The following UGT1A5 variants were observed in gnomAD, a reference collection of about 807,000 sequenced individuals.
UGT1A5 encodes UDP-glucuronosyltransferase 1A5.
Under a neutral mutation model 40.3 loss-of-function variants are expected in UGT1A5, and 29 were observed. That is an observed-to-expected ratio of 0.72 (90% CI 0.54 to 0.98). The LOEUF is 0.98. Ranked by LOEUF, UGT1A5 falls within the 50% of genes least tolerant of loss-of-function variation. The pLI is 0.00. For missense variants in UGT1A5, 678 were observed against 677.9 expected (o/e 1.00, Z 0.00); for synonymous variants, 257 against 262.5 (o/e 0.98, Z 0.20).
chr2:233,719,696 T>C (rs748911565), intron 1 of UGT1A5: 44 of 1,613,934 alleles, frequency 2.7e-5, no homozygotes, highest in Middle Eastern at 1.6e-4. Context: ...AGGTCTGTAT[T>C]GGTGCCTTCA....
chr2:233,762,967 G>A (rs568860226), intron 1 of UGT1A5, among the ~76,000 whole-genome samples: 7 of 152,218 alleles, frequency 4.6e-5, no homozygotes, highest in Admixed American at 6.5e-5. Context: ...AAAGATGCCC[G>A]TCTTGCTGCT....
At position 233,772,474 on chromosome 2, in the gene UGT1A5, C is replaced by G; in HGVS notation, c.1520C>G (p.Thr507Ser). The G allele has an allele frequency of 6.2e-7, 1 of 1,614,104 alleles. No individual in the cohort carries two copies. Among genetic ancestry groups the G allele is most frequent in the Non-Finnish European group, 8.5e-7 (1 of 1,180,024 alleles). Residue 507 changes from threonine (T) to serine (S), a missense_variant, in exon 5 of 5, where the codon ACC (threonine) becomes AGC (serine). By Grantham distance (58) the Thr-to-Ser change is moderately conservative. Transcript: ENST00000373414. ...GTCGTGCTGACAGTGGCCTTCATCA[C>G]CTTTAAATGTTGTGCTTATGGCTAC... is the stretch of plus-strand genomic sequence containing the variant. The part of the protein sequence containing the change: ...LAVVLTVAFI[T>S]FKCCAYGYRK...
chr2:233,724,386 G>A (rs1217254636), intron 1 of UGT1A5, among the ~76,000 whole-genome samples: 4 of 141,148 alleles, frequency 2.8e-5, no homozygotes, highest in Non-Finnish European at 3.1e-5. Flanking sequence ...GGGCGGAGAC[G>A]CTCCTCACTT....
chr2:233,743,662 G>T (rs34622615), intron 1 of UGT1A5: 40,924 of 1,367,182 alleles, frequency 0.03, 778 homozygotes, highest in African/African-American at 0.053. Flanking sequence ...ACTCGAAGGG[G>T]TCCTCGAAGG....
intron 1 of UGT1A5, among the ~76,000 whole-genome samples, chr2:233,724,420 G>A (rs1396792043): frequency 4.4e-5 from 6 of 135,614 alleles, no homozygotes; most frequent in African/African-American, 1.4e-4. Flanking sequence ...GCTGCCGGGC[G>A]GAGAGGCTCC....
At chr2:233,741,761 G>T (rs1691766534) in intron 1 of UGT1A5, 3 of 151,840 alleles carry the variant, frequency 2.0e-5, no homozygotes, top group Admixed American at 6.5e-5. Flanking sequence ...TTAATGATGT[G>T]TTCAGGCCAT....
chr2:233,725,380 C>A (rs2077441850), intron 1 of UGT1A5, among the ~76,000 whole-genome samples: 1 of 149,278 alleles, frequency 6.7e-6, no homozygotes, highest in East Asian at 1.9e-4. Context: ...TTAAAAAATT[C>A]TTAATAGGTT....
chr2:233,765,533 A>G (rs1474506324), intron 1 of UGT1A5, among the ~76,000 whole-genome samples: 2 of 151,964 alleles, frequency 1.3e-5, no homozygotes, highest in African/African-American at 4.8e-5. Flanking sequence ...GCATGTTCTC[A>G]CTCATAAGTG....
chr2:233,759,396 C>T (rs1317272404), intron 1 of UGT1A5, among the ~76,000 whole-genome samples: 1 of 152,086 alleles, frequency 6.6e-6, no homozygotes, highest in African/African-American at 2.4e-5. Context: ...TCAGAGTAAC[C>T]GTGTGACCTG....
chr2:233,729,285 C>G (rs1346383611), intron 1 of UGT1A5: 12 of 1,614,080 alleles, frequency 7.4e-6, no homozygotes, highest in Non-Finnish European at 5.9e-6. Context: ...AGCTCCATGC[C>G]AGAGGCCACC....
At chr2:233,748,959 T>A (rs1217481897) in intron 1 of UGT1A5, among the ~76,000 whole-genome samples, 1 of 151,598 alleles carries the variant, frequency 6.6e-6, no homozygotes, top group African/African-American at 2.4e-5. Flanking sequence ...CACTCCAAGT[T>A]TCTATAGTGG....
intron 1 of UGT1A5, among the ~76,000 whole-genome samples, chr2:233,749,910 CTG>C: frequency 6.6e-6 from 1 of 152,052 alleles, no homozygotes; most frequent in Non-Finnish European, 1.5e-5. Context: ...CCACCTGGAA[CTG>C]TGAGTCAATT....
rs527483899 is a variant in UGT1A5 at position 233,768,298 on chromosome 2, T to C, written c.1166T>C (p.Met389Thr). Reference sequence around the variant, plus strand: ...GAAAGCATATGCAATGGCGTTCCCATGGTGATGATGCCCTTGTTTGGTGAT... The same window carrying C: ...GAAAGCATATGCAATGGCGTTCCCACGGTGATGATGCCCTTGTTTGGTGAT... ...VYESICNGVP[M>T]VMMPLFGDQM... The change falls in exon 4 of 5, where the codon ATG becomes ACG. Residue 389 changes from methionine to threonine, a missense_variant. Physicochemically the swap from Met to Thr is moderately conservative, Grantham distance 81. Coordinates refer to ENST00000373414, the MANE Select transcript of UGT1A5 (RefSeq NM_019078.2). 2.2e-5 allele frequency: 35 copies of C among 1,614,192 alleles called. No individual in the cohort carries two copies. In the South Asian group the frequency reaches 3.4e-4, roughly 16 times the overall value.
intron 1 of UGT1A5, chr2:233,730,017 A>G (rs1485743576): frequency 6.2e-7 from 1 of 1,613,756 alleles, no homozygotes; most frequent in South Asian, 1.1e-5. Flanking sequence ...CCTTCATCCA[A>G]TCAATGTTCC....
rs574418679 is a variant in UGT1A5 at position 233,719,623 on chromosome 2, C to T, written c.867+5765C>T. 4.0e-5 allele frequency: 64 copies of T among 1,614,006 alleles called. No individual in the cohort carries two copies. The highest frequency in any genetic ancestry group is 2.3e-4 in the African/African-American group (17 of 75,004). On this transcript the variant is annotated intron_variant, in intron 1 of 4. Transcript: ENST00000373414. ...GACTTTGTGATGGACTACCCCAGGC[C>T]GATCATGCCCAACATGGTCTTCATT...
chr2:233,740,112 A>C (rs1691308174), intron 1 of UGT1A5, among the ~76,000 whole-genome samples: 1 of 151,796 alleles, frequency 6.6e-6, no homozygotes, highest in African/African-American at 2.4e-5. Context: ...GCCTTTGCTT[A>C]TCTCTCACCT....
chr2:233,740,994 G>A (rs1691532942), intron 1 of UGT1A5: 1 of 151,722 alleles, frequency 6.6e-6, no homozygotes, highest in African/African-American at 2.4e-5. Flanking sequence ...TGCTGAGGAG[G>A]AAGGATCACT....
intron 4 of UGT1A5, chr2:233,770,944 AC>A: frequency 6.6e-6 from 1 of 152,138 alleles, no homozygotes; most frequent in Non-Finnish European, 1.5e-5. Context: ...TGCCGGGGGA[AC>A]CTCAGGGAGC....
intron 1 of UGT1A5, among the ~76,000 whole-genome samples, chr2:233,746,557 T>G (rs1301694420): frequency 6.6e-6 from 1 of 151,810 alleles, no homozygotes; most frequent in Non-Finnish European, 1.5e-5. Flanking sequence ...TCTTAGCCCC[T>G]AGAGCACCAC....
Sources: gnomAD v4.1 joint callset for allele counts (sites outside exome capture counted in the v4.1 genomes callset) on GRCh38, gnomAD v4.1.1 for gene constraint, MANE v1.5 for transcripts, NCBI Gene and HGNC (gene_info 2026-07-23, HGNC 2026-07-21) for gene names.